Variants in NCOA2 observed in about 807,000 individuals in gnomAD.
NCOA2 encodes nuclear receptor coactivator 2, also known as class E basic helix-loop-helix protein 75.
Under a neutral mutation model 145.1 loss-of-function variants are expected in NCOA2, and 21 were observed. The ratio of observed to expected loss-of-function variants is 0.14; its 90% confidence interval spans 0.10 to 0.21. NCOA2 has a LOEUF of 0.21. Among genes scored for constraint, NCOA2 ranks in the 10% least tolerant of loss-of-function variants. The pLI is 1.00. For synonymous variants in NCOA2, 619 were observed against 637.5 expected, an observed-to-expected ratio of 0.97 and a Z score of 0.44; for missense variants, 1,472 against 1,837.6, an observed-to-expected ratio of 0.80 and a Z score of 3.64.
At chr8:70,299,316 A>C (rs1827320598) in intron 1 of NCOA2, among the ~76,000 whole-genome samples, 1 of 152,242 alleles carries the variant, frequency 6.6e-6, no homozygotes, top group South Asian at 2.1e-4. Context: ...GAGAGTTTTC[A>C]CAAAGCCCCT....
intron 2 of NCOA2, among the ~76,000 whole-genome samples, chr8:70,288,603 A>AC (rs398008258): frequency 6.6e-6 from 1 of 151,932 alleles, no homozygotes; most frequent in Non-Finnish European, 1.5e-5. Flanking sequence ...AAAAAAAAAA[A>AC]GGAAGAAATA....
intron 2 of NCOA2, chr8:70,273,388 C>T: frequency 1.3e-6 from 1 of 742,280 alleles, no homozygotes; most frequent in Non-Finnish European, 2.1e-6. Context: ...AAGAAACAAT[C>T]ATGAACCAGG....
intron 2 of NCOA2, among the ~76,000 whole-genome samples, chr8:70,230,600 G>A (rs192897715): frequency 1.3e-5 from 2 of 152,330 alleles, no homozygotes; most frequent in Admixed American, 1.3e-4. Flanking sequence ...GGATTACTAT[G>A]AGCAAGGACT....
chr8:70,427,740 A>C, the NCOA2 span, among the ~76,000 whole-genome samples: 9 of 152,222 alleles, frequency 5.9e-5, no homozygotes, highest in African/African-American at 1.9e-4. Flanking sequence ...AGTTGGCCGT[A>C]GGAGGAAGAT....
the NCOA2 span, among the ~76,000 whole-genome samples, chr8:70,412,300 TA>T: frequency 6.6e-6 from 1 of 151,046 alleles, no homozygotes; most frequent in South Asian, 2.1e-4. Context: ...AAATAGAAAA[TA>T]AAAGATTACT....
At chr8:70,275,612 A>T (rs1825407174) in intron 2 of NCOA2, among the ~76,000 whole-genome samples, 1 of 152,184 alleles carries the variant, frequency 6.6e-6, no homozygotes. Flanking sequence ...ACCAAAGAAG[A>T]ACAAGCTTAG....
chr8:70,324,656 A>T (rs1203942095), intron 1 of NCOA2, among the ~76,000 whole-genome samples: 1 of 152,082 alleles, frequency 6.6e-6, no homozygotes, highest in Non-Finnish European at 1.5e-5. Context: ...CTCATATAGG[A>T]TAAACTCTAT....
intron 2 of NCOA2, 127 bp from the exon 3 acceptor site, chr8:70,216,891 GT>G: frequency 3.8e-6 from 2 of 533,080 alleles, no homozygotes; most frequent in Non-Finnish European, 3.4e-6. Flanking sequence ...AATTAACATT[GT>G]TTTATGTGCA....
intron 2 of NCOA2, among the ~76,000 whole-genome samples, chr8:70,284,078 C>T (rs963964203): frequency 6.6e-6 from 1 of 152,144 alleles, no homozygotes; most frequent in African/African-American, 2.4e-5. Flanking sequence ...CCAAGAATGA[C>T]AACACCCCTT....
intron 1 of NCOA2, among the ~76,000 whole-genome samples, chr8:70,330,801 T>C (rs972572890): frequency 6.6e-6 from 1 of 152,214 alleles, no homozygotes; most frequent in African/African-American, 2.4e-5. Flanking sequence ...TTAAAAAGTA[T>C]GGCTGTGTGC....
rs753450639 is a variant in NCOA2 at position 70,166,718 on chromosome 8, C to T, written c.578G>A (p.Arg193Gln). Residue 193 changes from arginine to glutamine, a missense_variant, in exon 7 of 23, where the codon CGG (arginine) becomes CAG (glutamine). Physicochemically the swap from Arg to Gln is conservative, Grantham distance 43. Around this residue, in one of 4 missense-constraint regions of NCOA2, gnomAD observed 284 missense variants for 467.8 expected, o/e 0.61. Transcript: ENST00000452400. The stretch of plus-strand genomic sequence containing the variant: ...CCGACAATTGAAGGTATGGCTGTTC[C>T]GCCTCGGAGGTTCGCCAGACCAAGA... ...GGSWSGEPPR[R>Q]NSHTFNCRML... 1.2e-5 allele frequency: 20 copies of T among 1,613,820 alleles called. No individual in the cohort carries two copies. The highest frequency in any genetic ancestry group is 6.7e-5 in the African/African-American group (5 of 74,920).
intron 19 of NCOA2, chr8:70,126,521 G>A (rs750252910): frequency 3.9e-5 from 16 of 414,910 alleles, no homozygotes; most frequent in Non-Finnish European, 5.2e-5. Flanking sequence ...ATACACGCTC[G>A]CACACAAGAT....
intron 1 of NCOA2, among the ~76,000 whole-genome samples, chr8:70,298,584 G>C (rs76831527): frequency 6.6e-6 from 1 of 152,126 alleles, no homozygotes; most frequent in Non-Finnish European, 1.5e-5. Context: ...ACTTAAGCCC[G>C]TTATAATTCT....
At chr8:70,155,796 C>G (rs1314140152) in intron 11 of NCOA2, among the ~76,000 whole-genome samples, 175 bp downstream of exon 11, 3 of 152,200 alleles carry the variant, frequency 2.0e-5, no homozygotes, top group African/African-American at 7.2e-5. Context: ...ATAACAATGT[C>G]ACTCTGCTAG....
rs189481159 is a variant in NCOA2 at position 70,157,130 on chromosome 8, T to G, written c.1235A>C (p.Asn412Thr). 1.6e-4 allele frequency: 251 copies of G among 1,613,886 alleles called. 1 individual carries two copies. The East Asian group carries it at 4.7e-3, about 30-fold the overall frequency. ...ACTGAGGGTCATGTCCTGACCTGGG[T>G]TCCCACTGCACAGGGCCTGATGGGC... ...SPAHQALCSG[N>T]PGQDMTLSSN... The change falls in exon 11 of 23, where the codon AAC becomes ACC. Residue 412 changes from asparagine (N) to threonine (T), a missense_variant. This residue lies in a region of NCOA2 where 953 missense variants were observed against 1,062.1 expected (regional missense o/e 0.90). Coordinates refer to ENST00000452400, the MANE Select transcript of NCOA2 (RefSeq NM_006540.4).
intron 2 of NCOA2, among the ~76,000 whole-genome samples, chr8:70,239,745 G>A (rs1821959280): frequency 6.6e-6 from 1 of 152,182 alleles, no homozygotes; most frequent in African/African-American, 2.4e-5. Flanking sequence ...ATAATTAAGA[G>A]AGAGAATTGT....
At chr8:70,184,817 T>C (rs1275860929) in intron 4 of NCOA2, among the ~76,000 whole-genome samples, 2 of 152,190 alleles carry the variant, frequency 1.3e-5, no homozygotes, top group Non-Finnish European at 1.5e-5. Flanking sequence ...CCCAGGCCGC[T>C]GCTTCACCTT....
At chr8:70,356,670 C>T (rs1397789539) in intron 1 of NCOA2, among the ~76,000 whole-genome samples, 1 of 152,190 alleles carries the variant, frequency 6.6e-6, no homozygotes, top group Admixed American at 6.5e-5. Context: ...GAACGCTTTT[C>T]CTATTAGTTG....
In NCOA2 at chr8:70,138,209, T is replaced by C. The variant is rs749225949; in HGVS notation, c.3152A>G (p.Gln1051Arg). The change falls in exon 15 of 23, where the codon CAA becomes CGA. Residue 1051 changes from glutamine (Q) to arginine (R), a missense_variant. By Grantham distance (43) the Gln-to-Arg change is conservative. This residue lies in a region of NCOA2 where 953 missense variants were observed against 1,062.1 expected (regional missense o/e 0.90). Coordinates refer to ENST00000452400, the MANE Select transcript of NCOA2 (RefSeq NM_006540.4). ...LPIDQASFAS[Q>R]NRQPFGSSPD... ...CTAGGTGCTCAGGACTCACCTGTTT[T>C]GGCTGGCAAAAGACGCCTGGTCTAT... The C allele has an allele frequency of 2.1e-5, 34 of 1,612,620 alleles. No homozygotes were observed. Among genetic ancestry groups the C allele is most frequent in the Non-Finnish European group, 2.9e-5 (34 of 1,179,552 alleles).
Sources: gnomAD v4.1 joint callset for allele counts (sites outside exome capture counted in the v4.1 genomes callset) on GRCh38, gnomAD v4.1.1 for gene constraint, gnomAD v4.1.1 regional missense constraint, MANE v1.5 for transcripts, NCBI Gene and HGNC (gene_info 2026-07-23, HGNC 2026-07-21) for gene names.